Variants in C1S observed in about 807,000 individuals in gnomAD.
The protein encoded by C1S is complement C1s subcomponent.
A neutral mutation model predicts 54.0 loss-of-function variants in C1S; 31 were observed. That is an observed-to-expected ratio of 0.57 (90% CI 0.43 to 0.78). The LOEUF is 0.78. C1S is among the 30% of genes least tolerant of loss of function. C1S has a pLI of 0.00. For missense variants in C1S, 727 were observed against 851.8 expected, an observed-to-expected ratio of 0.85 and a Z score of 1.82; for synonymous variants, 292 against 303.6, an observed-to-expected ratio of 0.96 and a Z score of 0.40.
intron 7 of C1S, 46 bp from the exon 8 acceptor site, chr12:7,066,472 C>G (rs781911664): frequency 7.5e-6 from 8 of 1,067,256 alleles, no homozygotes; most frequent in African/African-American, 1.6e-5. Flanking sequence ...GAGTCTTCAA[C>G]TATTTAGTAA....
intron 9 of C1S, 83 bp from the exon 10 acceptor site, chr12:7,067,560 C>A (rs1937702696): frequency 1.3e-6 from 2 of 1,483,162 alleles, no homozygotes; most frequent in Non-Finnish European, 1.9e-6. Context: ...GGTGGGGAAG[C>A]AGTGAGGATG....
chr12:7,067,906 C>T (rs908788508), intron 10 of C1S, 135 bp downstream of exon 10: 63 of 956,316 alleles, frequency 6.6e-5, no homozygotes, highest in South Asian at 1.2e-4. Flanking sequence ...CCCTTGGCTT[C>T]GTCCAAAGAT....
intron 4 of C1S, 97 bp from the exon 5 acceptor site, chr12:7,064,170 C>A (rs782392311): frequency 1.6e-6 from 2 of 1,276,332 alleles, no homozygotes; most frequent in Non-Finnish European, 2.3e-6. Flanking sequence ...AGCAATAGGC[C>A]TTTCCTACTT....
chr12:7,064,216 C>T lies in C1S; in HGVS notation c.392-51C>T, dbSNP rs782505435. ...TTATGGTTTTGGATTTAACCTCATTCTCCCTTCTTGGTGTTTGTTCTTGAC... is the reference window on the plus strand; with the variant it reads ...TTATGGTTTTGGATTTAACCTCATTTTCCCTTCTTGGTGTTTGTTCTTGAC... On this transcript the variant is annotated intron_variant, in intron 4 of 11. Transcript: ENST00000360817. 3 of 1,607,322 alleles carry T rather than the reference C, an allele frequency of 1.9e-6. No homozygotes were observed. The East Asian group carries it at 6.7e-5, about 36-fold the overall frequency.
At position 7,066,268 on chromosome 12, in the gene C1S, A is replaced by G. The variant is rs1937648115; in HGVS notation, c.872-250A>G. ...ACTTCACTTCTTCAGGAAAATCTAA[A>G]CCAGTCAACGGTTGCTAGAAATGCC... On this transcript the variant is annotated intron_variant, in intron 7 of 11. Coordinates refer to ENST00000360817, the MANE Select transcript of C1S (RefSeq NM_001734.5). 4.9e-6 allele frequency: 3 copies of G among 613,556 alleles called. No homozygotes were observed. The Admixed American group carries it at 8.4e-5, about 17-fold the overall frequency. The allele number at this position is 613,556 out of a possible 1,614,324, so 38.0% of individuals were successfully genotyped here.
At chr12:7,067,988 A>C (rs1937721880) in intron 10 of C1S, among the ~76,000 whole-genome samples, 1 of 152,218 alleles carries the variant, frequency 6.6e-6, no homozygotes, top group South Asian at 2.1e-4. Context: ...TCACCAACTG[A>C]GTTCACAGCT....
intron 4 of C1S, 87 bp from the exon 5 acceptor site, chr12:7,064,180 T>G: frequency 6.9e-7 from 1 of 1,441,696 alleles, no homozygotes; most frequent in South Asian, 1.1e-5. Flanking sequence ...CTTTCCTACT[T>G]TTTCTTACCC....
chr12:7,062,306 G>A lies in C1S; in HGVS notation c.6-169G>A, dbSNP rs781802803. Reference sequence around the variant, plus strand: ...AAAAAAGGGCTCTTGTCTGAAGCCTGGGTTTTGGTTTGACCTGGGCCTTTT... The same window carrying A: ...AAAAAAGGGCTCTTGTCTGAAGCCTAGGTTTTGGTTTGACCTGGGCCTTTT... On this transcript the variant is annotated intron_variant, in intron 2 of 11. Coordinates refer to ENST00000360817, the MANE Select transcript of C1S (RefSeq NM_001734.5). The A allele has an allele frequency of 4.6e-4, 292 of 641,420 alleles. No homozygotes were observed. In the African/African-American group the frequency reaches 5.0e-3, roughly 11 times the overall value. The allele number at this position is 641,420 out of a possible 1,614,324, so 39.7% of individuals were successfully genotyped here.
rs782560887 is a variant in C1S, at chr12:7,069,133, GAGTTAGCA to G, written c.1270+607_1270+614del. On this transcript the variant is annotated intron_variant, in intron 11 of 11. Transcript: ENST00000360817. ...TGAATGGGTGGGGTGCAAGTTCACA[GAGTTAGCA>G]AGTGGCAAAGGCAGGCTTTGAGCCC... 7.2e-5 allele frequency among the ~76,000 whole-genome samples: 11 copies of G among 152,362 alleles called. No individual in the cohort carries two copies. In the East Asian group the frequency reaches 2.1e-3, roughly 29 times the overall value.
chr12:7,070,773 A>G lies in C1S; in HGVS notation c.*122A>G. On this transcript the variant is annotated 3_prime_UTR_variant, in exon 12 of 12. Coordinates refer to ENST00000360817, the MANE Select transcript of C1S (RefSeq NM_001734.5). The surrounding 1 kb of genome is among the most constrained non-coding windows in gnomAD (Gnocchi z 4.9). ...GACACGAGCGAATGATTTAAATAGAACTTGATTGTTGAGACGCCTTGCTAG... is the reference window on the plus strand; with the variant it reads ...GACACGAGCGAATGATTTAAATAGAGCTTGATTGTTGAGACGCCTTGCTAG... 1.1e-6 allele frequency: 1 copy of G among 895,864 alleles called. No homozygotes were observed. The highest frequency in any genetic ancestry group is 1.4e-5 in the South Asian group (1 of 73,344). The allele number at this position is 895,864 out of a possible 1,614,324, so 55.5% of individuals were successfully genotyped here. A position where few individuals can be genotyped will look rare whatever the true frequency, so the allele number is the denominator to read the frequency against.
Position 7,070,249 on chromosome 12 carries a change from C to G in C1S, c.1665C>G (p.Ser555=). ...CCATCTGCCTACCAGGCACCTCTTC[C>G]GACTACAACCTCATGGATGGGGACC... The part of the protein sequence containing the change: ...VSPICLPGTS[S]DYNLMDGDLG... The change falls in exon 12 of 12, where the codon TCC becomes TCG. Residue 555 remains serine (S), a synonymous_variant. Transcript: ENST00000360817. The surrounding 1 kb of genome is among the most constrained non-coding windows in gnomAD (Gnocchi z 4.9). 2 of 1,614,118 alleles carry G rather than the reference C, an allele frequency of 1.2e-6. No individual in the cohort carries two copies. Among genetic ancestry groups the G allele is most frequent in the South Asian group, 2.2e-5 (2 of 91,066 alleles).
rs199728575 is a variant in C1S at position 7,066,556 on chromosome 12, T to C, written c.910T>C (p.Trp304Arg). The change falls in exon 8 of 12, where the codon TGG becomes CGG. Residue 304 changes from tryptophan to arginine, a missense_variant. This residue lies in a region of C1S where 10 missense variants were observed against 32.8 expected (regional missense o/e 0.30). Transcript: ENST00000360817. ...CPKEDTPNSVWEPAKAKYVFR... is the reference protein window; with the variant it reads ...CPKEDTPNSVREPAKAKYVFR... ...TAAGGAAGACACTCCCAATTCTGTTTGGGAGCCTGCGAAGGCAAAATATGT... is the reference window on the plus strand; with the variant it reads ...TAAGGAAGACACTCCCAATTCTGTTCGGGAGCCTGCGAAGGCAAAATATGT... 3.4e-5 allele frequency: 55 copies of C among 1,613,818 alleles called. 1 individual carries two copies. The highest frequency in any genetic ancestry group is 5.0e-5 in the Admixed American group (3 of 60,030).
chr12:7,065,076 T>C (rs1196448673), intron 5 of C1S, 24 bp from the exon 6 acceptor site: 6 of 1,585,542 alleles, frequency 3.8e-6, no homozygotes, highest in Non-Finnish European at 5.2e-6. Flanking sequence ...TATTTGATTC[T>C]CCCTTTCTCT....
intron 5 of C1S, 148 bp downstream of exon 5, chr12:7,064,540 A>G (rs1947145455): frequency 2.8e-6 from 2 of 706,014 alleles, no homozygotes; most frequent in African/African-American, 3.7e-5. Context: ...TTATTTATGT[A>G]TTATTTTTAA....
Position 7,070,302 on chromosome 12 carries a change from C to A in C1S, c.1718C>A (p.Thr573Lys). The A allele has an allele frequency of 6.2e-7, 1 of 1,614,268 alleles. No homozygotes were observed. Among genetic ancestry groups the A allele is most frequent in the East Asian group, 2.2e-5 (1 of 44,892 alleles). The change falls in exon 12 of 12, where the codon ACA becomes AAA. Residue 573 changes from threonine (T) to lysine (K), a missense_variant. Transcript: ENST00000360817. The surrounding 1 kb of genome is among the most constrained non-coding windows in gnomAD (Gnocchi z 4.9). ...GGACTGATCTCAGGCTGGGGCCGAA[C>A]AGAGAAGAGAGATCGTGCTGTTCGC... ...DLGLISGWGR[T>K]EKRDRAVRLK... is the part of the protein sequence containing the mutation.
intron 1 of C1S, 23 bp from the exon 2 acceptor site, chr12:7,061,816 C>A: frequency 7.3e-7 from 1 of 1,375,222 alleles, no homozygotes; most frequent in Non-Finnish European, 1.0e-6. Context: ...CAGACAAATA[C>A]AGCCAGGCCT....
At chr12:7,064,575 T>C (rs371095621) in intron 5 of C1S, among the ~76,000 whole-genome samples, 183 bp downstream of exon 5, 4 of 152,304 alleles carry the variant, frequency 2.6e-5, no homozygotes, top group African/African-American at 9.6e-5. Context: ...TTGGGGGTAC[T>C]GGTGTTTTTG....
intron 10 of C1S, among the ~76,000 whole-genome samples, chr12:7,068,130 G>A (rs1432932336): frequency 3.3e-5 from 5 of 152,202 alleles, no homozygotes; most frequent in Admixed American, 3.3e-4. Context: ...CTTTCTTGAT[G>A]TAGAGGCTTT....
intron 8 of C1S, 91 bp downstream of exon 8, chr12:7,066,724 T>C (rs782551491): frequency 1.2e-6 from 1 of 813,224 alleles, no homozygotes; most frequent in Non-Finnish European, 2.2e-6. Flanking sequence ...AATGTATGTG[T>C]GTGATCAAGG....
Sources: allele counts gnomAD v4.1 joint callset (sites outside exome capture counted in the v4.1 genomes callset), GRCh38; gene constraint gnomAD v4.1.1; regional missense constraint gnomAD v4.1.1; non-coding constraint Gnocchi (gnomAD v3.1); transcripts MANE v1.5; gene names NCBI Gene and HGNC (gene_info 2026-07-23, HGNC 2026-07-21).